DAAM2: variants seen among roughly 807,000 people sequenced by gnomAD.
The protein encoded by DAAM2 is disheveled-associated activator of morphogenesis 2.
In DAAM2, 39 loss-of-function variants were observed where a neutral mutation model predicts 120.7. The observed-to-expected ratio is 0.32, with a 90% CI of 0.25 to 0.42. The LOEUF (loss-of-function observed/expected upper bound fraction) is 0.42. Among genes scored for constraint, DAAM2 ranks in the 10% least tolerant of loss-of-function variants. DAAM2 has a pLI of 1.00. For synonymous variants in DAAM2, 488 were observed against 524.9 expected, an observed-to-expected ratio of 0.93 and a Z score of 0.96; for missense variants, 1,283 against 1,401.7, an observed-to-expected ratio of 0.92 and a Z score of 1.35.
intron 14 of DAAM2, among the ~76,000 whole-genome samples, chr6:39,880,261 A>G (rs1348423162): frequency 6.6e-6 from 1 of 152,170 alleles, no homozygotes; most frequent in African/African-American, 2.4e-5. Context: ...TGGATTCCAC[A>G]CTGACCTTTA....
chr6:39,823,378 C>T (rs1382294951), intron 1 of DAAM2, among the ~76,000 whole-genome samples: 1 of 152,154 alleles, frequency 6.6e-6, no homozygotes, highest in African/African-American at 2.4e-5. Context: ...AATCTTCCAA[C>T]CTGCTGGTCT....
Position 39,901,318 on chromosome 6 carries a change from T to C in DAAM2, c.2828T>C (p.Met943Thr). Residue 943 changes from methionine (M) to threonine (T), a missense_variant, in exon 24 of 25, where the codon ATG becomes ACG. By Grantham distance (81) the Met-to-Thr change is moderately conservative (BLOSUM62 -1). Coordinates refer to ENST00000274867, the MANE Select transcript of DAAM2 (RefSeq NM_001201427.2). This position sits in a 1 kb window ranked among gnomAD's most constrained non-coding sequence, Gnocchi z 4.5. ...EARDKFAKALMHFGEHDSKMQ... is the reference protein window; with the variant it reads ...EARDKFAKALTHFGEHDSKMQ... ...CCTTGACAGTTCGCCAAGGCCTTGA[T>C]GCACTTCGGGGAGCATGACAGCAAG... 1 of 1,613,868 alleles carries C rather than the reference T, an allele frequency of 6.2e-7. No individual in the cohort carries two copies. The highest frequency in any genetic ancestry group is 8.5e-7 in the Non-Finnish European group (1 of 1,179,810).
intron 19 of DAAM2, among the ~76,000 whole-genome samples, chr6:39,894,411 G>A (rs912849811): frequency 6.6e-6 from 1 of 152,036 alleles, no homozygotes; most frequent in African/African-American, 2.4e-5. Context: ...ATATAGAAAA[G>A]TACACAAATC....
chr6:39,874,926 T>C (rs1204870696), intron 10 of DAAM2, among the ~76,000 whole-genome samples: 2 of 152,138 alleles, frequency 1.3e-5, no homozygotes, highest in Non-Finnish European at 2.9e-5. Flanking sequence ...TCCTAAAATC[T>C]TTTTTAAAAA....
At chr6:39,879,123 T>C in intron 13 of DAAM2, 55 bp from the exon 14 acceptor site, 1 of 1,181,250 alleles carries the variant, frequency 8.5e-7, no homozygotes, top group Non-Finnish European at 1.2e-6. Context: ...GTGGGAGACC[T>C]GAATGGCAAC....
chr6:39,795,083 G>A (rs1273356260), intron 1 of DAAM2, among the ~76,000 whole-genome samples: 4 of 152,132 alleles, frequency 2.6e-5, no homozygotes, highest in African/African-American at 7.2e-5. Flanking sequence ...CACTATGGCC[G>A]GGATGAATTC....
Position 39,859,894 on chromosome 6 carries a change from T to A in DAAM2, c.169-1034T>A, listed in dbSNP as rs1487738834. Among the ~76,000 whole-genome samples, 8 of 152,308 alleles carry A rather than the reference T, an allele frequency of 5.3e-5. No individual in the cohort carries two copies. In the East Asian group the frequency reaches 1.5e-3, roughly 29 times the overall value. ...GGGAAAAGATTACAGATATCAAAATTTAAGACTATTATACTTCCTTAGATA... is the reference window on the plus strand; with the variant it reads ...GGGAAAAGATTACAGATATCAAAATATAAGACTATTATACTTCCTTAGATA... On this transcript the variant is annotated intron_variant, in intron 2 of 24. Transcript: ENST00000274867.
intron 1 of DAAM2, among the ~76,000 whole-genome samples, chr6:39,810,708 A>G (rs551722684): frequency 6.6e-6 from 1 of 152,148 alleles, no homozygotes; most frequent in South Asian, 2.1e-4. Flanking sequence ...TCCTCACAGC[A>G]TGAGGCTGAA....
At position 39,901,415 on chromosome 6, in the gene DAAM2, A is replaced by C; in HGVS notation, c.2925A>C (p.Leu975=). Residue 975 remains leucine (L), a synonymous_variant, in exon 24 of 25, where the codon CTA becomes CTC. Coordinates refer to ENST00000274867, the MANE Select transcript of DAAM2 (RefSeq NM_001201427.2). This position sits in a 1 kb window ranked among gnomAD's most constrained non-coding sequence, Gnocchi z 4.5. ...LQAFSEARQD[L]EAMRRRKEEE... ...CCTTCTCAGAGGCCCGGCAGGATCT[A>C]GAGGCCATGAGGAGGAGGAAGGAGG... is the stretch of plus-strand genomic sequence containing the variant. 1.2e-6 allele frequency: 2 copies of C among 1,613,528 alleles called. No individual in the cohort carries two copies. The highest frequency in any genetic ancestry group is 1.7e-6 in the Non-Finnish European group (2 of 1,179,846).
intron 1 of DAAM2, among the ~76,000 whole-genome samples, chr6:39,812,701 A>C (rs1762199903): frequency 1.5e-5 from 2 of 129,758 alleles, no homozygotes; most frequent in African/African-American, 2.7e-5. Flanking sequence ...TTAATCTGAC[A>C]TCTCAATCCT....
chr6:39,820,078 A>C (rs1426504123), intron 1 of DAAM2: 1 of 152,184 alleles, frequency 6.6e-6, no homozygotes, highest in Admixed American at 6.5e-5. Context: ...TGACAGTTTA[A>C]CCTGGTCTGG....
intron 1 of DAAM2, among the ~76,000 whole-genome samples, chr6:39,813,798 T>C (rs1476387655): frequency 6.6e-6 from 1 of 152,208 alleles, no homozygotes; most frequent in African/African-American, 2.4e-5. Context: ...ATGTTTCCAG[T>C]CTTTTCTCTC....
intron 11 of DAAM2, among the ~76,000 whole-genome samples, chr6:39,877,736 A>G (rs771998641): frequency 6.6e-6 from 1 of 152,134 alleles, no homozygotes; most frequent in Non-Finnish European, 1.5e-5. Context: ...TTCAGTCTGT[A>G]TTGCTGGTGT....
At chr6:39,889,646 C>A (rs1765586464) in intron 17 of DAAM2, among the ~76,000 whole-genome samples, 1 of 152,154 alleles carries the variant, frequency 6.6e-6, no homozygotes, top group African/African-American at 2.4e-5. Flanking sequence ...ATTGACCCTC[C>A]ATGCAGTCAA....
intron 6 of DAAM2, chr6:39,868,172 G>A: frequency 2.9e-6 from 1 of 341,924 alleles, no homozygotes; most frequent in East Asian, 5.9e-5. Flanking sequence ...CTCATGATAG[G>A]GGCTCAGTCA....
intron 1 of DAAM2, among the ~76,000 whole-genome samples, chr6:39,829,941 A>G (rs899261931): frequency 2.6e-5 from 4 of 151,816 alleles, no homozygotes; most frequent in Non-Finnish European, 5.9e-5. Context: ...ACCCTTCTAG[A>G]TTTCTCATGC....
In DAAM2 at chr6:39,873,241, C is replaced by T. The variant is rs751428606; in HGVS notation, c.1048C>T (p.His350Tyr). Residue 350 changes from histidine to tyrosine, a missense_variant, in exon 10 of 25, where the codon CAC (histidine) becomes TAC (tyrosine). Around this residue, in one of 3 missense-constraint regions of DAAM2, gnomAD observed 338 missense variants for 443.9 expected, o/e 0.76. Transcript: ENST00000274867. Reference protein sequence around the residue: ...LELARRFDMVHIDTKSASQMF... With the variant: ...LELARRFDMVYIDTKSASQMF... Reference sequence around the variant, plus strand: ...ACTGTGCCCTCTTCTCTCCCAGGTCCACATCGACACCAAGAGTGCTTCCCA... The same window carrying T: ...ACTGTGCCCTCTTCTCTCCCAGGTCTACATCGACACCAAGAGTGCTTCCCA... The T allele has an allele frequency of 3.1e-6, 5 of 1,608,790 alleles. No homozygotes were observed. The East Asian group carries it at 1.1e-4, about 36-fold the overall frequency.
chr6:39,817,410 G>T (rs1038164599), intron 1 of DAAM2, among the ~76,000 whole-genome samples: 4 of 152,142 alleles, frequency 2.6e-5, no homozygotes, highest in Non-Finnish European at 5.9e-5. Context: ...GTCGGTAGTG[G>T]ATCAACAGAG....
intron 10 of DAAM2, among the ~76,000 whole-genome samples, 181 bp from the exon 11 acceptor site, chr6:39,875,149 A>G (rs1764817874): frequency 6.6e-6 from 1 of 152,150 alleles, no homozygotes; most frequent in Non-Finnish European, 1.5e-5. Context: ...GATAATCAAG[A>G]GATGACTGAA....
Sources: allele counts gnomAD v4.1 joint callset (sites outside exome capture counted in the v4.1 genomes callset), GRCh38; gene constraint gnomAD v4.1.1; regional missense constraint gnomAD v4.1.1; non-coding constraint Gnocchi (gnomAD v3.1); transcripts MANE v1.5; gene names NCBI Gene and HGNC (gene_info 2026-07-23, HGNC 2026-07-21).